The following SLC16A10 variants were observed in gnomAD, a reference collection of about 807,000 sequenced individuals.
The protein encoded by SLC16A10 is monocarboxylate transporter 10.
In SLC16A10, 27 loss-of-function variants were observed where a neutral mutation model predicts 40.0. That is an observed-to-expected ratio of 0.67 (90% CI 0.50 to 0.93). The LOEUF is 0.93. Ranked by LOEUF, SLC16A10 falls within the 40% of genes least tolerant of loss-of-function variation. SLC16A10 has a pLI of 0.00. For missense variants in SLC16A10, 529 were observed against 658.2 expected (o/e 0.80, Z 2.15); for synonymous variants, 213 against 249.8 (o/e 0.85, Z 1.39).
chr6:111,183,005 AGTTT>A (rs1395605496), intron 3 of SLC16A10, among the ~76,000 whole-genome samples: 2 of 152,150 alleles, frequency 1.3e-5, no homozygotes, highest in African/African-American at 4.8e-5. Context: ...TGCCCCGCGG[AGTTT>A]GTTCTCTATG....
chr6:111,124,132 G>T (rs1771630854), intron 1 of SLC16A10, among the ~76,000 whole-genome samples: 1 of 152,050 alleles, frequency 6.6e-6, no homozygotes, highest in East Asian at 1.9e-4. Flanking sequence ...GAGATGGAGG[G>T]GTTCTTGATT....
chr6:111,164,468 C>G (rs570683489), intron 1 of SLC16A10, among the ~76,000 whole-genome samples: 2 of 151,970 alleles, frequency 1.3e-5, no homozygotes, highest in African/African-American at 2.4e-5. Flanking sequence ...TTTCAAAAGC[C>G]CAAGAAGCAG....
At chr6:111,170,565 T>G (rs1772567247) in intron 1 of SLC16A10, among the ~76,000 whole-genome samples, 1 of 152,140 alleles carries the variant, frequency 6.6e-6, no homozygotes, top group Non-Finnish European at 1.5e-5. Flanking sequence ...TTCTCCCATC[T>G]CAGCCTCCTG....
chr6:111,134,851 C>G (rs1771849198), intron 1 of SLC16A10, among the ~76,000 whole-genome samples: 1 of 152,178 alleles, frequency 6.6e-6, no homozygotes, highest in Admixed American at 6.5e-5. Flanking sequence ...GGGGCAAGCA[C>G]CAGCCCATGC....
At chr6:111,207,498 T>G (rs1773274054) in intron 4 of SLC16A10, among the ~76,000 whole-genome samples, 1 of 152,222 alleles carries the variant, frequency 6.6e-6, no homozygotes, top group African/African-American at 2.4e-5. Context: ...TGCCACACAC[T>G]CTGCTAAATG....
intron 3 of SLC16A10, among the ~76,000 whole-genome samples, chr6:111,190,891 A>G (rs1023933807): frequency 6.6e-6 from 1 of 152,238 alleles, no homozygotes; most frequent in Admixed American, 6.5e-5. Flanking sequence ...GGTCTCTGAC[A>G]TGCCTTGGGG....
chr6:111,089,533 G>C (rs1341686647), intron 1 of SLC16A10, among the ~76,000 whole-genome samples: 2 of 152,160 alleles, frequency 1.3e-5, no homozygotes, highest in Admixed American at 6.5e-5. Context: ...TGGAATTTCT[G>C]TTCTTTAAAT....
chr6:111,205,242 T>C (rs17606253), intron 3 of SLC16A10, among the ~76,000 whole-genome samples: 17,664 of 152,096 alleles, frequency 0.12, 1,074 homozygotes, highest in Non-Finnish European at 0.14. Flanking sequence ...AAATGCAAAA[T>C]GAGAAGTGTT....
chr6:111,115,995 C>T (rs1336047563), intron 1 of SLC16A10, among the ~76,000 whole-genome samples: 1 of 152,012 alleles, frequency 6.6e-6, no homozygotes, highest in Admixed American at 6.6e-5. Context: ...TCTTATATCC[C>T]ATAATATTCT....
chr6:111,126,850 G>A (rs957567626), intron 1 of SLC16A10, among the ~76,000 whole-genome samples: 2 of 152,112 alleles, frequency 1.3e-5, no homozygotes, highest in African/African-American at 4.8e-5. Flanking sequence ...CTGAGTGATG[G>A]TGCAGCAACT....
intron 2 of SLC16A10, among the ~76,000 whole-genome samples, chr6:111,176,847 A>G (rs1002531507): frequency 2.6e-5 from 4 of 152,180 alleles, no homozygotes; most frequent in Non-Finnish European, 5.9e-5. Flanking sequence ...TTGTTAATTG[A>G]ATCACTGTTG....
chr6:111,169,919 C>CTTTTTTTTTTTTTTT, intron 1 of SLC16A10, among the ~76,000 whole-genome samples: 1 of 135,114 alleles, frequency 7.4e-6, no homozygotes, highest in Non-Finnish European at 1.6e-5. Flanking sequence ...TCTTTTCTTT[C>CTTTTTTTTTTTTTTT]TTTTTTTTTT....
chr6:111,196,833 A>G (rs776761343), intron 3 of SLC16A10, among the ~76,000 whole-genome samples: 56 of 152,354 alleles, frequency 3.7e-4, no homozygotes, highest in Middle Eastern at 3.4e-3. Flanking sequence ...GAGGATATAC[A>G]TAGGTTACAT....
At chr6:111,169,569 C>T (rs1772543850) in intron 1 of SLC16A10, among the ~76,000 whole-genome samples, 2 of 152,218 alleles carry the variant, frequency 1.3e-5, no homozygotes, top group African/African-American at 4.8e-5. Context: ...AGAAGAAAAG[C>T]AGCTGATTTC....
intron 1 of SLC16A10, among the ~76,000 whole-genome samples, chr6:111,161,856 C>CT (rs1323267146): frequency 6.6e-6 from 1 of 152,110 alleles, no homozygotes; most frequent in African/African-American, 2.4e-5. Flanking sequence ...ACAAAGAAAC[C>CT]TCTGGGTTAC....
intron 1 of SLC16A10, among the ~76,000 whole-genome samples, chr6:111,164,206 T>A (rs1199245131): frequency 6.6e-6 from 1 of 152,232 alleles, no homozygotes; most frequent in African/African-American, 2.4e-5. Context: ...GGCAAAAATT[T>A]AAATTCCCAT....
intron 3 of SLC16A10, among the ~76,000 whole-genome samples, chr6:111,194,957 C>G (rs1324048562): frequency 6.6e-6 from 1 of 152,114 alleles, no homozygotes; most frequent in Admixed American, 6.6e-5. Flanking sequence ...CCACCACCCC[C>G]GCTTCCTTGT....
At chr6:111,209,062 C>A (rs1773299108) in intron 4 of SLC16A10, among the ~76,000 whole-genome samples, 1 of 152,006 alleles carries the variant, frequency 6.6e-6, no homozygotes, top group Non-Finnish European at 1.5e-5. Context: ...TTTAAGTTAG[C>A]CAGGCACGGT....
intron 3 of SLC16A10, among the ~76,000 whole-genome samples, chr6:111,188,332 A>G (rs1007552288): frequency 6.7e-6 from 1 of 149,610 alleles, no homozygotes; most frequent in East Asian, 2.0e-4. Context: ...CTTTTTCTTA[A>G]CTATGCAGAA....
Sources: allele counts gnomAD v4.1 joint callset (sites outside exome capture counted in the v4.1 genomes callset), GRCh38; gene constraint gnomAD v4.1.1; transcripts MANE v1.5; gene names NCBI Gene and HGNC (gene_info 2026-07-23, HGNC 2026-07-21).